The following PCGF2 variants were observed in gnomAD, a reference collection of about 807,000 sequenced individuals.
PCGF2 encodes the protein polycomb group ring finger 2, also known as polycomb group RING finger protein 2.
A neutral mutation model predicts 36.1 loss-of-function variants in PCGF2; 8 were observed. The observed-to-expected ratio is 0.22, with a 90% CI of 0.13 to 0.40. PCGF2 has a LOEUF of 0.40. Ranked by LOEUF, PCGF2 falls within the 10% of genes least tolerant of loss-of-function variation. The probability of loss-of-function intolerance (pLI) is 1.00; values close to 1 mark genes in which losing one functional copy is unlikely to be tolerated. For synonymous variants in PCGF2, 198 were observed against 191.2 expected (o/e 1.04, Z -0.29); for missense variants, 436 against 475.9 (o/e 0.92, Z 0.78).
chr17:38,744,736 G>A lies in PCGF2; in HGVS notation c.-41+3143C>T, dbSNP rs533616680. Among the ~76,000 whole-genome samples the A allele has an allele frequency of 6.6e-4, 101 of 152,264 alleles. 1 individual carries two copies. The highest frequency in any genetic ancestry group is 2.8e-3 in the Admixed American group (43 of 15,298). ...CTCTCACTTCTTCATGGTCCCCTGT[G>A]GAAACAGTGGGTCTCCCAGCCCCAA... is the stretch of plus-strand genomic sequence containing the variant. On this transcript the variant is annotated intron_variant, in intron 2 of 10. Coordinates refer to ENST00000620225, the MANE Select transcript of PCGF2 (RefSeq NM_007144.3).
At chr17:38,737,058 G>C (rs1906816410) in intron 9 of PCGF2, among the ~76,000 whole-genome samples, 1 of 151,886 alleles carries the variant, frequency 6.6e-6, no homozygotes, top group African/African-American at 2.4e-5. Flanking sequence ...TTGAGCCCGG[G>C]GGGTCAGCAG....
Position 38,739,629 on chromosome 17 carries a change from A to T in PCGF2, c.166T>A (p.Cys56Ser). 6.2e-7 allele frequency: 1 copy of T among 1,614,120 alleles called. No individual in the cohort carries two copies. The highest frequency in any genetic ancestry group is 8.5e-7 in the Non-Finnish European group (1 of 1,179,988). The change falls in exon 4 of 11, where the codon TGT (cysteine) becomes AGT (serine). Residue 56 changes from cysteine to serine, a missense_variant. By Grantham distance (112) the Cys-to-Ser change is moderately radical. Around this residue, in one of 3 missense-constraint regions of PCGF2, gnomAD observed 189 missense variants for 219.3 expected, o/e 0.86. Transcript: ENST00000620225. This position sits in a 1 kb window ranked among gnomAD's most constrained non-coding sequence, Gnocchi z 4.0. ...CGGGTTTTATGGACCTGCACGTCACACATGGGGCAGTATTTGTTGGTCTCC... is the reference window on the plus strand; with the variant it reads ...CGGGTTTTATGGACCTGCACGTCACTCATGGGGCAGTATTTGTTGGTCTCC... ...YLETNKYCPM[C>S]DVQVHKTRPL...
intron 2 of PCGF2, among the ~76,000 whole-genome samples, chr17:38,741,474 T>C (rs1216373461): frequency 6.6e-6 from 1 of 151,970 alleles, no homozygotes. Flanking sequence ...ACTTGATCCT[T>C]CCACTACGTC....
Position 38,736,111 on chromosome 17 carries a change from G to T in PCGF2, c.636C>A (p.Ala212=). The change falls in exon 10 of 11, where the codon GCC becomes GCA. Residue 212 remains alanine, a synonymous_variant. Transcript: ENST00000620225. The stretch of plus-strand genomic sequence containing the variant: ...TCACCCGCCGCCAGGGGTAGATGTA[G>T]GCGATGTCCATGAGGGTGTAGTATT... ...LKEYYTLMDI[A]YIYPWRRNGP... The T allele has an allele frequency of 6.3e-7, 1 of 1,583,612 alleles. No homozygotes were observed.
intron 2 of PCGF2, among the ~76,000 whole-genome samples, chr17:38,743,817 C>G (rs1034016598): frequency 6.6e-6 from 1 of 152,132 alleles, no homozygotes; most frequent in Non-Finnish European, 1.5e-5. Flanking sequence ...ATTCCTGATA[C>G]CCAGTTCCTC....
upstream of PCGF2, chr17:38,749,566 C>A (rs1253979060): frequency 2.2e-6 from 1 of 448,860 alleles, no homozygotes; most frequent in African/African-American, 2.0e-5. This position sits in a 1 kb window ranked among gnomAD's most constrained non-coding sequence, Gnocchi z 6.5. Context: ...CGCGTCTGTC[C>A]CTCCAGAGAG....
chr17:38,743,781 C>T lies in PCGF2; in HGVS notation c.-40-3339G>A, dbSNP rs530927038. 3.9e-5 allele frequency among the ~76,000 whole-genome samples: 6 copies of T among 152,220 alleles called. No homozygotes were observed. In the South Asian group the frequency reaches 1.0e-3, roughly 26 times the overall value. Reference sequence around the variant, plus strand: ...CCTAGAGCACCCTCTCCCCATCTCCCCACCCCAGGAGGCCCCAGGCCGCGA... The same window carrying T: ...CCTAGAGCACCCTCTCCCCATCTCCTCACCCCAGGAGGCCCCAGGCCGCGA... On this transcript the variant is annotated intron_variant, in intron 2 of 10. Transcript: ENST00000620225.
intron 2 of PCGF2, among the ~76,000 whole-genome samples, chr17:38,743,859 G>C (rs1469945218): frequency 2.0e-5 from 3 of 152,112 alleles, no homozygotes; most frequent in Admixed American, 1.3e-4. Context: ...GCTGTGAGAA[G>C]GTGAGGGAAA....
At chr17:38,736,226 G>T in intron 9 of PCGF2, 56 bp from the exon 10 acceptor site, 2 of 1,062,192 alleles carry the variant, frequency 1.9e-6, no homozygotes, top group Non-Finnish European at 2.9e-6. Context: ...GCTCCAGGCT[G>T]GGAATGTGGG....
intron 9 of PCGF2, 95 bp downstream of exon 9, chr17:38,738,258 G>A: frequency 9.5e-7 from 1 of 1,047,278 alleles, no homozygotes; most frequent in East Asian, 2.6e-5. Flanking sequence ...AGCCCTGGGT[G>A]ACACCTAGCC....
At chr17:38,737,791 A>C (rs1364693129) in intron 9 of PCGF2, among the ~76,000 whole-genome samples, 1 of 151,818 alleles carries the variant, frequency 6.6e-6, no homozygotes, top group East Asian at 1.9e-4. Context: ...AGGCGCCTGT[A>C]ATCCCAGCTA....
intron 2 of PCGF2, among the ~76,000 whole-genome samples, chr17:38,740,790 T>A (rs1440394355): frequency 1.3e-5 from 2 of 151,572 alleles, no homozygotes; most frequent in Non-Finnish European, 2.9e-5. Flanking sequence ...ACCCAGAGCC[T>A]CGGCAGCCCC....
In PCGF2 at chr17:38,739,452, G is replaced by T; in HGVS notation, c.209+134C>A. On this transcript the variant is annotated intron_variant, in intron 4 of 10. Coordinates refer to ENST00000620225, the MANE Select transcript of PCGF2 (RefSeq NM_007144.3). This position sits in a 1 kb window ranked among gnomAD's most constrained non-coding sequence, Gnocchi z 4.0. The stretch of plus-strand genomic sequence containing the variant: ...TGAGCCAAATGTAACCCCAAGGTCG[G>T]GGAGTAGCCCAGGTCCACACCCCAT... 1.1e-6 allele frequency: 1 copy of T among 897,072 alleles called. No individual in the cohort carries two copies. The highest frequency in any genetic ancestry group is 1.8e-6 in the Non-Finnish European group (1 of 544,226). The allele number at this position is 897,072 out of a possible 1,614,324, so 55.6% of individuals were successfully genotyped here.
chr17:38,739,473 C>T lies in PCGF2; in HGVS notation c.209+113G>A, dbSNP rs1907026474. ...GTCGGGGAGTAGCCCAGGTCCACAC[C>T]CCATGCTTCTCCTACACCTGCCGCC... On this transcript the variant is annotated intron_variant, in intron 4 of 10. Coordinates refer to ENST00000620225, the MANE Select transcript of PCGF2 (RefSeq NM_007144.3). The surrounding 1 kb of genome is among the most constrained non-coding windows in gnomAD (Gnocchi z 4.0). The T allele has an allele frequency of 2.1e-6, 2 of 968,338 alleles. No homozygotes were observed. The highest frequency in any genetic ancestry group is 1.3e-5 in the South Asian group (1 of 76,548). The allele number at this position is 968,338 out of a possible 1,614,324, so 60.0% of individuals were successfully genotyped here. A position where few individuals can be genotyped will look rare whatever the true frequency, so the allele number is the denominator to read the frequency against.
At position 38,738,975 on chromosome 17, in the gene PCGF2, C is replaced by T. The variant is rs1021526869; in HGVS notation, c.316+93G>A. 2.7e-5 allele frequency: 41 copies of T among 1,537,174 alleles called. No individual in the cohort carries two copies. In the South Asian group the frequency reaches 3.0e-4, roughly 11 times the overall value. ...CCCAGCCACCTTCTGGAGAGGTGTGCGCGGAGGAGGTCAGAGGGTGAGGGG... is the reference window on the plus strand; with the variant it reads ...CCCAGCCACCTTCTGGAGAGGTGTGTGCGGAGGAGGTCAGAGGGTGAGGGG... On this transcript the variant is annotated intron_variant, in intron 6 of 10. Transcript: ENST00000620225.
upstream of PCGF2, chr17:38,749,400 A>C (rs1436273548): frequency 3.4e-6 from 1 of 296,000 alleles, no homozygotes; most frequent in Non-Finnish European, 7.1e-6. The surrounding 1 kb of genome is among the most constrained non-coding windows in gnomAD (Gnocchi z 6.5). Flanking sequence ...CTCCGGCAGG[A>C]GGGAGAGAAC....
In PCGF2 at chr17:38,739,007, T is replaced by A; in HGVS notation, c.316+61A>T. 5.6e-6 allele frequency: 9 copies of A among 1,593,704 alleles called. No individual in the cohort carries two copies. Among genetic ancestry groups the A allele is most frequent in the Non-Finnish European group, 6.9e-6 (8 of 1,163,230 alleles). Reference sequence around the variant, plus strand: ...GAGGTCAGAGGGTGAGGGGTAGCGCTACACACCTACATGGTCCCAGGCAAG... The same window carrying A: ...GAGGTCAGAGGGTGAGGGGTAGCGCAACACACCTACATGGTCCCAGGCAAG... On this transcript the variant is annotated intron_variant, in intron 6 of 10. Coordinates refer to ENST00000620225, the MANE Select transcript of PCGF2 (RefSeq NM_007144.3). The surrounding 1 kb of genome is among the most constrained non-coding windows in gnomAD (Gnocchi z 4.0).
intron 2 of PCGF2, 142 bp from the exon 3 acceptor site, chr17:38,740,584 C>T (rs1567634757): frequency 5.1e-6 from 3 of 583,064 alleles, no homozygotes; most frequent in East Asian, 3.3e-5. Flanking sequence ...ATGGTGAAAC[C>T]CCATCTCTAC....
At chr17:38,745,948 C>T (rs548896496) in intron 2 of PCGF2, among the ~76,000 whole-genome samples, 1 of 152,254 alleles carries the variant, frequency 6.6e-6, no homozygotes, top group Non-Finnish European at 1.5e-5. Context: ...AGACTCAGAC[C>T]AGGGGTTTTA....
Sources: allele counts gnomAD v4.1 joint callset (sites outside exome capture counted in the v4.1 genomes callset), GRCh38; gene constraint gnomAD v4.1.1; regional missense constraint gnomAD v4.1.1; non-coding constraint Gnocchi (gnomAD v3.1); transcripts MANE v1.5; gene names NCBI Gene and HGNC (gene_info 2026-07-23, HGNC 2026-07-21).